Variants in MFF observed in about 807,000 individuals in gnomAD.
MFF encodes the protein mitochondrial fission factor.
A neutral mutation model predicts 36.9 loss-of-function variants in MFF; 12 were observed. That is an observed-to-expected ratio of 0.33 (90% CI 0.21 to 0.53). The LOEUF (loss-of-function observed/expected upper bound fraction) is 0.53, where lower values mean the gene tolerates loss of function less well. Among genes scored for constraint, MFF ranks in the 20% least tolerant of loss-of-function variants. The pLI is 0.95. For synonymous variants in MFF, 99 were observed against 126.2 expected, an observed-to-expected ratio of 0.78 and a Z score of 1.44; for missense variants, 348 against 366.6, an observed-to-expected ratio of 0.95 and a Z score of 0.42.
In MFF at chr2:227,357,818, A is replaced by G. The variant is rs2076325893; in HGVS notation, c.*701A>G. The G allele has an allele frequency of 6.6e-6, 1 of 152,256 alleles. No homozygotes were observed. The highest frequency in any genetic ancestry group is 2.4e-5 in the African/African-American group (1 of 41,466). 9.4% of individuals were successfully genotyped at this position (152,256 alleles called of 1,614,324 possible). A position where few individuals can be genotyped will look rare whatever the true frequency, so the allele number is the denominator to read the frequency against. ...GGTACAAATGTAGTGTATTTAATAA[A>G]CTGTCAACCAAAGAAGTATTTGTCT... On this transcript the variant is annotated 3_prime_UTR_variant, in exon 9 of 9. Transcript: ENST00000304593.
At chr2:227,351,661 T>A (rs1230282008) in intron 6 of MFF, 1 of 152,234 alleles carries the variant, frequency 6.6e-6, no homozygotes, top group East Asian at 1.9e-4. Context: ...CAGTGAACAC[T>A]TAGAAGCTTT....
chr2:227,347,496 A>T, intron 6 of MFF, 112 bp downstream of exon 6: 1 of 826,174 alleles, frequency 1.2e-6, no homozygotes, highest in Non-Finnish European at 2.0e-6. Context: ...TCTTTCTAAG[A>T]TGCAATGATT....
intron 4 of MFF, among the ~76,000 whole-genome samples, chr2:227,334,717 A>C (rs949577052): frequency 1.3e-5 from 2 of 152,116 alleles, no homozygotes; most frequent in African/African-American, 4.8e-5. Flanking sequence ...AACATTTGTG[A>C]TCTCTATCTA....
rs561381402 is a variant in MFF at position 227,337,558 on chromosome 2, G to A, written c.352-2734G>A. 2.1e-3 allele frequency among the ~76,000 whole-genome samples: 323 copies of A among 152,314 alleles called. 1 individual carries two copies. Among genetic ancestry groups the A allele is most frequent in the Middle Eastern group, 6.8e-3 (2 of 294 alleles). ...TATGAACAATCAAATTTAACTTGGG[G>A]TGTAAGCATATTAAAGGAGAATTGT... On this transcript the variant is annotated intron_variant, in intron 4 of 8. Coordinates refer to ENST00000304593, the MANE Select transcript of MFF (RefSeq NM_001277062.2).
At chr2:227,327,166 TG>T (rs1261093762) in intron 1 of MFF, among the ~76,000 whole-genome samples, 3 of 152,098 alleles carry the variant, frequency 2.0e-5, no homozygotes, top group African/African-American at 7.2e-5. Context: ...TAATGTACTC[TG>T]TGAATATGGG....
intron 7 of MFF, among the ~76,000 whole-genome samples, chr2:227,354,657 G>A (rs76484483): frequency 0.044 from 6,764 of 152,170 alleles, 384 homozygotes; most frequent in East Asian, 0.13. Flanking sequence ...AATTAGTGCC[G>A]CTTTAGAAGT....
chr2:227,338,903 T>TG (rs2075220634), intron 4 of MFF, among the ~76,000 whole-genome samples: 1 of 151,818 alleles, frequency 6.6e-6, no homozygotes, highest in Admixed American at 6.6e-5. Flanking sequence ...TTGTTTGTTT[T>TG]GTTTTTTTTA....
intron 4 of MFF, among the ~76,000 whole-genome samples, chr2:227,335,519 T>G (rs1394427338): frequency 6.6e-6 from 1 of 152,192 alleles, no homozygotes; most frequent in East Asian, 1.9e-4. Context: ...TTATGTGTGT[T>G]TTAAAATAAA....
intron 7 of MFF, among the ~76,000 whole-genome samples, chr2:227,354,284 C>CAT (rs1313017470): frequency 6.6e-6 from 1 of 152,122 alleles, no homozygotes; most frequent in East Asian, 1.9e-4. Flanking sequence ...TTGTCTTTAA[C>CAT]ATGTCTGGAT....
chr2:227,354,364 T>G (rs1244077323), intron 7 of MFF, among the ~76,000 whole-genome samples: 2 of 152,174 alleles, frequency 1.3e-5, no homozygotes, highest in Admixed American at 1.3e-4. Flanking sequence ...CTTGCTGGGA[T>G]AGGTATTAGA....
chr2:227,338,044 G>GAA (rs141010777), intron 4 of MFF, among the ~76,000 whole-genome samples: 1 of 144,182 alleles, frequency 6.9e-6, no homozygotes, highest in East Asian at 2.0e-4. Flanking sequence ...ACCCTATCTG[G>GAA]AAAAAAAAAA....
intron 5 of MFF, among the ~76,000 whole-genome samples, chr2:227,341,502 A>T (rs1341749341): frequency 6.6e-6 from 1 of 152,154 alleles, no homozygotes; most frequent in Non-Finnish European, 1.5e-5. Flanking sequence ...TAAAATGAAT[A>T]TATATCTCCT....
chr2:227,331,889 G>T (rs937327418), intron 3 of MFF, among the ~76,000 whole-genome samples: 1 of 146,200 alleles, frequency 6.8e-6, no homozygotes, highest in African/African-American at 2.5e-5. Flanking sequence ...GTTATATATT[G>T]TACATTGCAT....
intron 8 of MFF, 117 bp downstream of exon 8, chr2:227,355,878 A>G (rs2076230229): frequency 1.6e-6 from 1 of 630,550 alleles, no homozygotes; most frequent in Non-Finnish European, 2.8e-6. Flanking sequence ...CTAGTAAGCC[A>G]TCATTGATTT....
chr2:227,337,689 C>T (rs1171927762), intron 4 of MFF, among the ~76,000 whole-genome samples: 1 of 152,222 alleles, frequency 6.6e-6, no homozygotes, highest in Admixed American at 6.5e-5. Context: ...AACTATTTCT[C>T]AGCCTCCGGG....
intron 4 of MFF, among the ~76,000 whole-genome samples, chr2:227,339,379 T>A (rs1168213255): frequency 6.6e-6 from 1 of 152,168 alleles, no homozygotes; most frequent in Non-Finnish European, 1.5e-5. Context: ...AGGGAAAAGC[T>A]TGTTTCTGTT....
chr2:227,330,930 T>C, intron 3 of MFF, 84 bp downstream of exon 3: 8 of 1,146,336 alleles, frequency 7.0e-6, no homozygotes, highest in Non-Finnish European at 8.7e-6. Flanking sequence ...TTCTAAATGT[T>C]ATTTAGAAAA....
chr2:227,329,538 C>G (rs2074415583), intron 2 of MFF: 1 of 429,956 alleles, frequency 2.3e-6, no homozygotes, highest in African/African-American at 3.1e-5. Context: ...TAGATATTTA[C>G]TTTTATTCAT....
chr2:227,345,561 A>C (rs879550591), intron 5 of MFF, among the ~76,000 whole-genome samples: 6 of 152,200 alleles, frequency 3.9e-5, no homozygotes, highest in Non-Finnish European at 8.8e-5. Flanking sequence ...GTTGATGTAG[A>C]ACTGACCATT....
Sources: gnomAD v4.1 joint callset for allele counts (sites outside exome capture counted in the v4.1 genomes callset) on GRCh38, gnomAD v4.1.1 for gene constraint, MANE v1.5 for transcripts, NCBI Gene and HGNC (gene_info 2026-07-23, HGNC 2026-07-21) for gene names.